Variants in SLC4A10 observed in about 807,000 individuals in gnomAD.
The protein encoded by SLC4A10 is sodium-driven chloride bicarbonate exchanger.
A neutral mutation model predicts 137.7 loss-of-function variants in SLC4A10; 42 were observed. The observed-to-expected ratio is 0.30, with a 90% CI of 0.24 to 0.39. The LOEUF is 0.39. Among genes scored for constraint, SLC4A10 ranks in the 10% least tolerant of loss-of-function variants. SLC4A10 has a pLI of 1.00. For synonymous variants in SLC4A10, 474 were observed against 464.1 expected (o/e 1.02, Z -0.27); for missense variants, 925 against 1,355.0 (o/e 0.68, Z 4.98).
chr2:161,771,013 G>C lies in SLC4A10; in HGVS notation c.89G>C (p.Arg30Pro). 1 of 1,606,096 alleles carries C rather than the reference G, an allele frequency of 6.2e-7. No individual in the cohort carries two copies. The highest frequency in any genetic ancestry group is 8.5e-7 in the Non-Finnish European group (1 of 1,175,800). Residue 30 changes from arginine (R) to proline (P), a missense_variant, in exon 2 of 27, where the codon CGT becomes CCT. Arg to Pro is a moderately radical substitution (Grantham distance 103). Around this residue, in one of 11 missense-constraint regions of SLC4A10, gnomAD observed 138 missense variants for 171.3 expected, o/e 0.81. Transcript: ENST00000446997. The stretch of plus-strand genomic sequence containing the variant: ...GCAGTTGTGGATAGAGGTGGAACTC[G>C]TTCTATTCTCAAAACACACTTTGAG... ...EEAVVDRGGT[R>P]SILKTHFEKE...
chr2:161,728,577 G>GA (rs376713608), intron 1 of SLC4A10, among the ~76,000 whole-genome samples: 24 of 143,482 alleles, frequency 1.7e-4, no homozygotes, highest in East Asian at 4.1e-4. Flanking sequence ...CTGTCCAAAG[G>GA]AAAAAAAAAA....
chr2:161,690,447 C>T (rs2041864614), intron 1 of SLC4A10, among the ~76,000 whole-genome samples: 1 of 152,094 alleles, frequency 6.6e-6, no homozygotes, highest in Non-Finnish European at 1.5e-5. Flanking sequence ...TTACTGGCTA[C>T]ATACCCAAAG....
chr2:161,822,473 C>G (rs1303439133), intron 3 of SLC4A10, among the ~76,000 whole-genome samples: 1 of 152,098 alleles, frequency 6.6e-6, no homozygotes, highest in Non-Finnish European at 1.5e-5. Context: ...TAGTGTAACT[C>G]TAGAATCACA....
chr2:161,689,789 G>A (rs1441867612), intron 1 of SLC4A10, among the ~76,000 whole-genome samples: 1 of 152,102 alleles, frequency 6.6e-6, no homozygotes, highest in Non-Finnish European at 1.5e-5. Flanking sequence ...CATGCAATAA[G>A]CACAGCAGGC....
At chr2:161,923,662 C>T (rs557397402) in intron 15 of SLC4A10, among the ~76,000 whole-genome samples, 9 of 149,142 alleles carry the variant, frequency 6.0e-5, no homozygotes, top group African/African-American at 2.2e-4. Context: ...CATCACACAC[C>T]GGGGCCTGTT....
chr2:161,928,982 A>G (rs1008157870), intron 15 of SLC4A10, among the ~76,000 whole-genome samples: 2 of 151,958 alleles, frequency 1.3e-5, no homozygotes, highest in South Asian at 2.1e-4. Context: ...AACTTGCCAT[A>G]TTTTCTCTAT....
chr2:161,785,521 T>C (rs913908445), intron 2 of SLC4A10, among the ~76,000 whole-genome samples: 1 of 151,808 alleles, frequency 6.6e-6, no homozygotes, highest in Non-Finnish European at 1.5e-5. Context: ...AAAAGTCATA[T>C]GATATTTATT....
chr2:161,727,376 G>T (rs1271152028), intron 1 of SLC4A10, among the ~76,000 whole-genome samples: 3 of 152,130 alleles, frequency 2.0e-5, no homozygotes, highest in Admixed American at 6.6e-5. Context: ...CATTCTCAGG[G>T]CTTCTTCAGT....
intron 2 of SLC4A10, among the ~76,000 whole-genome samples, chr2:161,795,598 T>C (rs556816756): frequency 3.9e-4 from 60 of 152,186 alleles, no homozygotes; most frequent in Middle Eastern, 3.4e-3. Flanking sequence ...AACATAAGAT[T>C]CAACCTCTTG....
At chr2:161,938,358 G>T (rs769536944) in intron 15 of SLC4A10, among the ~76,000 whole-genome samples, 1 of 152,066 alleles carries the variant, frequency 6.6e-6, no homozygotes, top group African/African-American at 2.4e-5. Flanking sequence ...AAGGCCTATT[G>T]CCTGGGATCA....
chr2:161,838,183 G>A (rs565380522), intron 3 of SLC4A10, among the ~76,000 whole-genome samples: 2 of 152,006 alleles, frequency 1.3e-5, no homozygotes, highest in African/African-American at 2.4e-5. Context: ...TTTTGAAAAC[G>A]GCACAAACCA....
chr2:161,849,162 G>A (rs546737287), intron 4 of SLC4A10, among the ~76,000 whole-genome samples: 73 of 152,120 alleles, frequency 4.8e-4, no homozygotes, highest in Non-Finnish European at 7.9e-4. Flanking sequence ...GATTTTCATG[G>A]CTATTGTGAA....
At chr2:161,737,153 C>T (rs771159463) in intron 1 of SLC4A10, among the ~76,000 whole-genome samples, 5 of 152,130 alleles carry the variant, frequency 3.3e-5, no homozygotes, top group Non-Finnish European at 7.4e-5. Flanking sequence ...GCCACCATGC[C>T]TGGCAAAATT....
intron 26 of SLC4A10, among the ~76,000 whole-genome samples, chr2:161,981,214 T>C (rs1700173817): frequency 1.3e-5 from 2 of 152,256 alleles, no homozygotes; most frequent in African/African-American, 4.8e-5. Context: ...CATTCATTTA[T>C]CAAAAGGTTA....
intron 15 of SLC4A10, among the ~76,000 whole-genome samples, chr2:161,922,326 A>G (rs769648275): frequency 2.1e-4 from 32 of 152,162 alleles, no homozygotes; most frequent in Non-Finnish European, 4.0e-4. Flanking sequence ...TCCTCATAAT[A>G]TATTATGGTT....
intron 11 of SLC4A10, among the ~76,000 whole-genome samples, chr2:161,897,290 A>G: frequency 6.6e-6 from 1 of 152,108 alleles, no homozygotes; most frequent in East Asian, 1.9e-4. Context: ...CTCACTCCTC[A>G]TACTGCCACC....
chr2:161,776,680 C>A (rs1412263505), intron 2 of SLC4A10, among the ~76,000 whole-genome samples: 2 of 151,808 alleles, frequency 1.3e-5, no homozygotes, highest in Non-Finnish European at 2.9e-5. Context: ...TCTTTGAGAT[C>A]TTGTTTGCAA....
At chr2:161,958,079 A>G (rs1374095584) in intron 20 of SLC4A10, among the ~76,000 whole-genome samples, 1 of 146,288 alleles carries the variant, frequency 6.8e-6, no homozygotes, top group Non-Finnish European at 1.5e-5. Flanking sequence ...TACAGGAAAC[A>G]CATCTAAATG....
intron 2 of SLC4A10, among the ~76,000 whole-genome samples, chr2:161,797,922 G>T (rs929529882): frequency 1.3e-5 from 2 of 151,988 alleles, no homozygotes; most frequent in African/African-American, 4.8e-5. Context: ...TCATAGTCAT[G>T]AAGCCTTTTG....
Sources: gnomAD v4.1 joint callset for allele counts (sites outside exome capture counted in the v4.1 genomes callset) on GRCh38, gnomAD v4.1.1 for gene constraint, gnomAD v4.1.1 regional missense constraint, MANE v1.5 for transcripts, NCBI Gene and HGNC (gene_info 2026-07-23, HGNC 2026-07-21) for gene names.